The following BICDL1 variants were observed in gnomAD, a reference collection of about 807,000 sequenced individuals.
BICDL1 encodes BICD family-like cargo adapter 1.
BICDL1 carries 20 observed loss-of-function variants against 76.8 expected under a neutral mutation model. That is an observed-to-expected ratio of 0.26 (90% CI 0.18 to 0.38). The LOEUF is 0.38. BICDL1 is among the 10% of genes least tolerant of loss of function. The probability of loss-of-function intolerance (pLI) is 1.00; values close to 1 mark genes in which losing one functional copy is unlikely to be tolerated. For synonymous variants in BICDL1, 383 were observed against 337.1 expected (o/e 1.14, Z -1.49); for missense variants, 700 against 798.6 (o/e 0.88, Z 1.49).
intron 2 of BICDL1, among the ~76,000 whole-genome samples, chr12:120,013,826 G>T (rs1462280488): frequency 2.0e-5 from 3 of 152,154 alleles, no homozygotes; most frequent in African/African-American, 7.2e-5. Context: ...ATCCAGAAAA[G>T]TCTCATTGAT....
intron 1 of BICDL1, among the ~76,000 whole-genome samples, chr12:119,992,141 AT>A (rs1405824912): frequency 6.6e-6 from 1 of 152,164 alleles, no homozygotes; most frequent in Admixed American, 6.5e-5. Context: ...CAGTTATATT[AT>A]TTCTTATAGG....
chr12:120,024,555 G>C (rs1355134974), intron 2 of BICDL1, among the ~76,000 whole-genome samples: 1 of 152,176 alleles, frequency 6.6e-6, no homozygotes, highest in Non-Finnish European at 1.5e-5. Context: ...GATCCAAGAA[G>C]TTCATTGAAT....
chr12:120,058,026 A>G lies in BICDL1; in HGVS notation c.646-3684A>G, dbSNP rs1359514262. On this transcript the variant is annotated intron_variant, in intron 2 of 9. Transcript: ENST00000548673. ...TTTTTTGTATTTTTAGAAGAGACGG[A>G]GTTTCACCGTGTTAGCCAGGATGGT... 2.0e-5 allele frequency among the ~76,000 whole-genome samples: 3 copies of G among 150,774 alleles called. No homozygotes were observed. In the East Asian group the frequency reaches 5.8e-4, roughly 29 times the overall value.
At chr12:120,034,815 T>C (rs1252030904) in intron 2 of BICDL1, among the ~76,000 whole-genome samples, 1 of 152,220 alleles carries the variant, frequency 6.6e-6, no homozygotes, top group Non-Finnish European at 1.5e-5. Flanking sequence ...ACCCTGTCCA[T>C]AGGCAGTTCA....
intron 1 of BICDL1, among the ~76,000 whole-genome samples, chr12:119,995,130 A>G (rs1951613646): frequency 6.6e-6 from 1 of 152,206 alleles, no homozygotes; most frequent in Non-Finnish European, 1.5e-5. Context: ...AAAATACTAT[A>G]TAACCCTGAG....
chr12:120,093,161 A>G lies in BICDL1; in HGVS notation c.1866A>G (p.Ter622=), dbSNP rs1207054007. Residue 622 remains the stop codon, a stop_retained_variant, in exon 10 of 10, where the codon TAA becomes TAG. Transcript: ENST00000548673. ...TCTTCTCATTCTTCAGGAAAATTTAAGTTGGGAGGAGTCAGGCCACCAAAG... is the reference window on the plus strand; with the variant it reads ...TCTTCTCATTCTTCAGGAAAATTTAGGTTGGGAGGAGTCAGGCCACCAAAG... ...KRLFSFFRKI[*] The G allele has an allele frequency of 1.9e-6, 3 of 1,586,110 alleles. No individual in the cohort carries two copies. The highest frequency in any genetic ancestry group is 1.8e-5 in the Admixed American group (1 of 54,436).
rs1237975548 is a variant in BICDL1 at position 119,990,285 on chromosome 12, A to G, written c.417A>G (p.Thr139=). The change falls in exon 1 of 10, where the codon ACA becomes ACG. Residue 139 remains threonine, a synonymous_variant. Transcript: ENST00000548673. The part of the protein sequence containing the change: ...RQYEQMHKEL[T]DKLEHLEQEK... ...ACGAGCAGATGCATAAGGAGCTGAC[A>G]GACAAGCTCGAGGTGAGGACCTCCC... 5 of 1,567,060 alleles carry G rather than the reference A, an allele frequency of 3.2e-6. No homozygotes were observed. The highest frequency in any genetic ancestry group is 4.3e-6 in the Non-Finnish European group (5 of 1,156,732).
At chr12:120,018,846 CCTT>C (rs1263293277) in intron 2 of BICDL1, 35 of 151,916 alleles carry the variant, frequency 2.3e-4, no homozygotes, top group African/African-American at 8.5e-4. Context: ...GAGATCAAGA[CCTT>C]CTTGGCCAAC....
At chr12:120,030,345 A>G (rs1393042980) in intron 2 of BICDL1, among the ~76,000 whole-genome samples, 1 of 152,196 alleles carries the variant, frequency 6.6e-6, no homozygotes, top group African/African-American at 2.4e-5. Flanking sequence ...GGAAAGGTCA[A>G]CCCTTCATTA....
rs1874830097 is a variant in BICDL1 at position 120,090,035 on chromosome 12, G to A, written c.1668G>A (p.Gln556=). ...LNSQLLDAIQ[Q]KLNLSQQLEA... ...GCCAGTTGCTGGATGCCATTCAGCA[G>A]AAACTGAACCTCTCGCAGCAGCTGG... Residue 556 remains glutamine (Q), a synonymous_variant, in exon 9 of 10, where the codon CAG becomes CAA. Coordinates refer to ENST00000548673, the MANE Select transcript of BICDL1 (RefSeq NM_001367886.1). 6.2e-7 allele frequency: 1 copy of A among 1,614,182 alleles called. No homozygotes were observed. Among genetic ancestry groups the A allele is most frequent in the South Asian group, 1.1e-5 (1 of 91,080 alleles).
chr12:120,055,693 CTT>C (rs1486084418), intron 2 of BICDL1, among the ~76,000 whole-genome samples: 2 of 152,088 alleles, frequency 1.3e-5, no homozygotes, highest in Non-Finnish European at 2.9e-5. Context: ...GTAAAAGAGA[CTT>C]AAGTTTTGAA....
intron 2 of BICDL1, among the ~76,000 whole-genome samples, chr12:120,007,869 C>G (rs1364268438): frequency 6.6e-6 from 1 of 152,156 alleles, no homozygotes; most frequent in African/African-American, 2.4e-5. Flanking sequence ...TTCTAGAACA[C>G]TTTACAGTGA....
intron 9 of BICDL1, chr12:120,091,950 A>C (rs1875011464): frequency 1.0e-6 from 1 of 985,168 alleles, no homozygotes; most frequent in South Asian, 4.7e-5. Context: ...CTGTGCTCGG[A>C]CACCACAGGC....
At chr12:120,017,175 C>T (rs1952082635) in intron 2 of BICDL1, among the ~76,000 whole-genome samples, 2 of 152,196 alleles carry the variant, frequency 1.3e-5, no homozygotes, top group South Asian at 4.1e-4. Flanking sequence ...GAATTACAGG[C>T]GTGAGCCATC....
intron 2 of BICDL1, among the ~76,000 whole-genome samples, chr12:120,039,513 C>A (rs1241290629): frequency 2.0e-5 from 3 of 150,154 alleles, no homozygotes; most frequent in Non-Finnish European, 3.0e-5. Context: ...TGGTGCATGC[C>A]GGTAATCCCA....
chr12:120,093,339 G>C lies in BICDL1; in HGVS notation c.*178G>C, dbSNP rs1479051342. 1.4e-6 allele frequency: 1 copy of C among 738,586 alleles called. No individual in the cohort carries two copies. The highest frequency in any genetic ancestry group is 2.8e-5 in the East Asian group (1 of 35,268). The allele number at this position is 738,586 out of a possible 1,614,324, so 45.8% of individuals were successfully genotyped here. A position where few individuals can be genotyped will look rare whatever the true frequency, so the allele number is the denominator to read the frequency against. On this transcript the variant is annotated 3_prime_UTR_variant, in exon 10 of 10. Transcript: ENST00000548673. Reference sequence around the variant, plus strand: ...GGTGGGGATGGAGACCTAGAGGTGGGGGCCTGCCTTGGCCACTGAAGGCTT... The same window carrying C: ...GGTGGGGATGGAGACCTAGAGGTGGCGGCCTGCCTTGGCCACTGAAGGCTT...
At chr12:120,026,478 G>T (rs972750865) in intron 2 of BICDL1, among the ~76,000 whole-genome samples, 3 of 152,216 alleles carry the variant, frequency 2.0e-5, no homozygotes, top group Non-Finnish European at 4.4e-5. Context: ...TGGATGAGAA[G>T]CTAGGTAGAT....
rs773024394 is a variant in BICDL1 at position 120,079,647 on chromosome 12, G to C, written c.1453-1240G>C. Among the ~76,000 whole-genome samples the C allele has an allele frequency of 1.6e-4, 25 of 152,158 alleles. No individual in the cohort carries two copies. Among genetic ancestry groups the C allele is most frequent in the Non-Finnish European group, 3.2e-4 (22 of 68,034 alleles). ...TAAATATTTATTGAAAGCTCTACCA[G>C]GCAGGGTTTCTGGTTGCAAACAGCA... On this transcript the variant is annotated intron_variant, in intron 7 of 9. Coordinates refer to ENST00000548673, the MANE Select transcript of BICDL1 (RefSeq NM_001367886.1). The surrounding 1 kb of genome is among the most constrained non-coding windows in gnomAD (Gnocchi z 4.3).
At chr12:120,067,924 TA>T (rs1175843164) in intron 4 of BICDL1, among the ~76,000 whole-genome samples, 1 of 152,222 alleles carries the variant, frequency 6.6e-6, no homozygotes, top group Non-Finnish European at 1.5e-5. Flanking sequence ...GACCAGCAGG[TA>T]TTGCTGATCC....
Sources: allele counts gnomAD v4.1 joint callset (sites outside exome capture counted in the v4.1 genomes callset), GRCh38; gene constraint gnomAD v4.1.1; non-coding constraint Gnocchi (gnomAD v3.1); transcripts MANE v1.5; gene names NCBI Gene and HGNC (gene_info 2026-07-23, HGNC 2026-07-21).